GABRG1: variants seen among roughly 807,000 people sequenced by gnomAD.
GABRG1 encodes gamma-aminobutyric acid type A receptor subunit gamma1.
GABRG1 carries 49 observed loss-of-function variants against 49.8 expected under a neutral mutation model. That is an observed-to-expected ratio of 0.98 (90% CI 0.78 to 1.25). The LOEUF (loss-of-function observed/expected upper bound fraction) is 1.25, where lower values mean the gene tolerates loss of function less well. Among genes scored for constraint, GABRG1 ranks in the 50% most tolerant of loss-of-function variants. The pLI is 0.00. For synonymous variants in GABRG1, 232 were observed against 185.1 expected, an observed-to-expected ratio of 1.25 and a Z score of -2.06; for missense variants, 552 against 552.3, an observed-to-expected ratio of 1.00 and a Z score of 0.01.
intron 5 of GABRG1, among the ~76,000 whole-genome samples, chr4:46,060,342 T>C (rs925120728): frequency 3.3e-5 from 5 of 151,992 alleles, no homozygotes; most frequent in Non-Finnish European, 5.9e-5. Context: ...CAACTTTATG[T>C]GGAGATTATG....
intron 1 of GABRG1, among the ~76,000 whole-genome samples, chr4:46,114,469 A>G (rs1311146497): frequency 4.6e-5 from 7 of 150,958 alleles, no homozygotes; most frequent in African/African-American, 1.5e-4. Flanking sequence ...CATGCAGTTA[A>G]TCATACTGTA....
Position 46,054,929 on chromosome 4 carries a change from T to A in GABRG1, c.916+3288A>T, listed in dbSNP as rs927214615. Among the ~76,000 whole-genome samples the A allele has an allele frequency of 2.5e-5, 2 of 80,156 alleles. 1 individual carries two copies. Among genetic ancestry groups the A allele is most frequent in the Non-Finnish European group, 4.7e-5 (2 of 42,146 alleles). 52.6% of individuals were successfully genotyped at this position (80,156 alleles called of 152,430 possible). On this transcript the variant is annotated intron_variant, in intron 7 of 8. Transcript: ENST00000295452. ...AGAGGGCATCCCTGTCTTGTGCCAG[T>A]TTTCAAAGGGAATGCTTCCAGTTTT...
chr4:46,109,070 T>C (rs949959131), intron 1 of GABRG1, among the ~76,000 whole-genome samples: 1 of 151,066 alleles, frequency 6.6e-6, no homozygotes, highest in African/African-American at 2.4e-5. Flanking sequence ...CTCAAGTTTT[T>C]AGAATACTTT....
At chr4:46,119,058 C>G (rs1721018237) in intron 1 of GABRG1, among the ~76,000 whole-genome samples, 1 of 150,962 alleles carries the variant, frequency 6.6e-6, no homozygotes, top group Non-Finnish European at 1.5e-5. Flanking sequence ...CCTCAGTAAA[C>G]TTATGTAAAT....
At chr4:46,099,376 C>G (rs1016364490) in intron 1 of GABRG1, among the ~76,000 whole-genome samples, 34 of 151,838 alleles carry the variant, frequency 2.2e-4, no homozygotes, top group Non-Finnish European at 1.5e-5. Context: ...TCCATTACTT[C>G]ACTCTCAGAG....
intron 2 of GABRG1, among the ~76,000 whole-genome samples, chr4:46,094,578 G>A (rs1277051479): frequency 6.6e-6 from 1 of 151,972 alleles, no homozygotes; most frequent in Non-Finnish European, 1.5e-5. Context: ...AAAATAGGTT[G>A]TTTCTGGGCC....
At chr4:46,071,735 A>T (rs1219105443) in intron 3 of GABRG1, among the ~76,000 whole-genome samples, 4 of 151,990 alleles carry the variant, frequency 2.6e-5, no homozygotes, top group Non-Finnish European at 5.9e-5. Context: ...GCTAAAAAAA[A>T]AATTGAAAAA....
chr4:46,093,796 A>G (rs1720082100), intron 2 of GABRG1, among the ~76,000 whole-genome samples: 2 of 151,982 alleles, frequency 1.3e-5, no homozygotes, highest in South Asian at 4.1e-4. Flanking sequence ...ATTTGTGTGT[A>G]CCTAAAACAG....
intron 1 of GABRG1, among the ~76,000 whole-genome samples, chr4:46,109,003 A>C (rs1052277530): frequency 1.3e-5 from 2 of 150,998 alleles, no homozygotes; most frequent in African/African-American, 4.8e-5. Flanking sequence ...ATCTATGCTC[A>C]AAACCCTGGA....
intron 4 of GABRG1, among the ~76,000 whole-genome samples, chr4:46,064,964 A>C (rs1205378247): frequency 6.6e-6 from 1 of 152,180 alleles, no homozygotes; most frequent in Non-Finnish European, 1.5e-5. Context: ...CTTGAACCTT[A>C]TACATCAACC....
rs983274176 is a variant in GABRG1 at position 46,095,058 on chromosome 4, C to T, written c.253+2143G>A. ...AAGCAAGATAAATACATTTCTCACG[C>T]ACACACAAATACACAAAAAGTAAGA... On this transcript the variant is annotated intron_variant, in intron 2 of 8. Transcript: ENST00000295452. Among the ~76,000 whole-genome samples the T allele has an allele frequency of 1.1e-4, 17 of 151,692 alleles. No individual in the cohort carries two copies. In the East Asian group the frequency reaches 3.3e-3, roughly 29 times the overall value.
At chr4:46,056,139 AAATAAATAAATT>A (rs1718423084) in intron 7 of GABRG1, among the ~76,000 whole-genome samples, 2 of 21,392 alleles carry the variant, frequency 9.3e-5, no homozygotes, top group African/African-American at 5.6e-4. Context: ...AAAAAAAAAT[AAATAAATAAATT>A]AAAAAAAAAA....
intron 3 of GABRG1, among the ~76,000 whole-genome samples, chr4:46,072,256 T>C (rs537185769): frequency 3.1e-4 from 47 of 152,232 alleles, no homozygotes; most frequent in African/African-American, 1.1e-3. Flanking sequence ...TAGGTTTGTG[T>C]AAATACATTC....
chr4:46,037,153 T>C lies in GABRG1; in HGVS notation c.*3835A>G, dbSNP rs1717563200. Reference sequence around the variant, plus strand: ...TCATCTTTCTGACTACATTATATGTTCCTTGAAAGTCATCTTTATATTCCC... The same window carrying C: ...TCATCTTTCTGACTACATTATATGTCCCTTGAAAGTCATCTTTATATTCCC... On this transcript the variant is annotated 3_prime_UTR_variant, in exon 9 of 9. Transcript: ENST00000295452. 1 of 151,904 alleles carries C rather than the reference T, an allele frequency of 6.6e-6. No homozygotes were observed. Among genetic ancestry groups the C allele is most frequent in the African/African-American group, 2.4e-5 (1 of 41,418 alleles). The allele number at this position is 151,904 out of a possible 1,614,324, so 9.4% of individuals were successfully genotyped here. A position where few individuals can be genotyped will look rare whatever the true frequency, so the allele number is the denominator to read the frequency against.
chr4:46,079,891 C>G (rs570969858), intron 3 of GABRG1, among the ~76,000 whole-genome samples: 18 of 151,780 alleles, frequency 1.2e-4, no homozygotes, highest in Admixed American at 1.3e-4. Context: ...ACCATTTTGT[C>G]TCATAAACTC....
At chr4:46,054,987 G>C (rs1428418394) in intron 7 of GABRG1, among the ~76,000 whole-genome samples, 1 of 95,544 alleles carries the variant, frequency 1.0e-5, no homozygotes, top group Admixed American at 1.1e-4. Context: ...CTGTGGGTTT[G>C]TCATAAAAAC....
chr4:46,120,947 A>G (rs1441939553), intron 1 of GABRG1, among the ~76,000 whole-genome samples: 2 of 151,828 alleles, frequency 1.3e-5, no homozygotes, highest in African/African-American at 4.8e-5. Context: ...TTTCATCATT[A>G]CAAAGAAGTT....
At chr4:46,087,766 A>T (rs777116550) in intron 2 of GABRG1, among the ~76,000 whole-genome samples, 2 of 151,968 alleles carry the variant, frequency 1.3e-5, no homozygotes, top group Non-Finnish European at 2.9e-5. Flanking sequence ...ACCCAAAGAT[A>T]GATACCAAGC....
At chr4:46,048,108 T>C (rs576961999) in intron 8 of GABRG1, among the ~76,000 whole-genome samples, 2 of 152,042 alleles carry the variant, frequency 1.3e-5, no homozygotes, top group African/African-American at 4.8e-5. Flanking sequence ...TACTCTTCAA[T>C]TGGCAAAGGC....
Sources: allele counts gnomAD v4.1 joint callset (sites outside exome capture counted in the v4.1 genomes callset), GRCh38; gene constraint gnomAD v4.1.1; transcripts MANE v1.5; gene names NCBI Gene and HGNC (gene_info 2026-07-23, HGNC 2026-07-21).